The following ANKRD42 variants were observed in gnomAD, a reference collection of about 807,000 sequenced individuals.
The protein encoded by ANKRD42 is ankyrin repeat domain 42, also known as ankyrin repeat domain-containing protein 42.
Under a neutral mutation model 51.5 loss-of-function variants are expected in ANKRD42, and 43 were observed. The observed-to-expected ratio is 0.83, with a 90% confidence interval of 0.65 to 1.08. ANKRD42 has a LOEUF of 1.08. ANKRD42 is among the 50% of genes least tolerant of loss of function. The probability of loss-of-function intolerance (pLI) is 0.00; values close to 1 mark genes in which losing one functional copy is unlikely to be tolerated. For missense variants in ANKRD42, 608 were observed against 629.3 expected, an observed-to-expected ratio of 0.97 and a Z score of 0.36; for synonymous variants, 203 against 213.0, an observed-to-expected ratio of 0.95 and a Z score of 0.41.
At chr11:83,199,494 A>G (rs912206103) in intron 2 of ANKRD42, among the ~76,000 whole-genome samples, 5 of 152,190 alleles carry the variant, frequency 3.3e-5, no homozygotes, top group South Asian at 2.1e-4. Context: ...CGTTTATTCT[A>G]TTCTTAGACT....
chr11:83,201,756 A>G (rs1419004936), intron 2 of ANKRD42, among the ~76,000 whole-genome samples: 3 of 152,160 alleles, frequency 2.0e-5, no homozygotes, highest in African/African-American at 7.2e-5. Flanking sequence ...ATGACCAGTG[A>G]TGAGCTTTTT....
At chr11:83,256,729 T>A (rs1246888698), downstream of ANKRD42, among the ~76,000 whole-genome samples, 2 of 152,204 alleles carry the variant, frequency 1.3e-5, no homozygotes, top group Non-Finnish European at 1.5e-5. Flanking sequence ...ATATACTTCA[T>A]GTGGACGCTA....
chr11:83,248,767 T>C lies in ANKRD42; in HGVS notation c.*563T>C, dbSNP rs1437975454. 10 of 976,146 alleles carry C rather than the reference T, an allele frequency of 1.0e-5. No homozygotes were observed. Among genetic ancestry groups the C allele is most frequent in the Non-Finnish European group, 1.2e-5 (10 of 821,564 alleles). The allele number at this position is 976,146 out of a possible 1,614,324, so 60.5% of individuals were successfully genotyped here. On this transcript the variant is annotated 3_prime_UTR_variant, in exon 11 of 11. Coordinates refer to ENST00000533342, the MANE Select transcript of ANKRD42 (RefSeq NM_001300975.2). ...TATAGTGTTAAAAACAAGATAGATG[T>C]TCCTTCTGACACTAAGTTCCACTCT...
rs1166704287 is a variant in ANKRD42, at chr11:83,206,165, G to T, written c.330G>T (p.Gln110His). Residue 110 changes from glutamine to histidine, a missense_variant and splice_region_variant, in exon 3 of 11, where the codon CAG (glutamine) becomes CAT (histidine). Coordinates refer to ENST00000533342, the MANE Select transcript of ANKRD42 (RefSeq NM_001300975.2). ...AAIRGQDACV[Q>H]ALIMNGANLT... is the part of the protein sequence containing the mutation. ...TCAGGGGTCAGGATGCTTGTGTACA[G>T]GTAATAATATTACTTTTTTCAGTAA... is the stretch of plus-strand genomic sequence containing the variant. 1 of 1,605,504 alleles carries T rather than the reference G, an allele frequency of 6.2e-7. No homozygotes were observed. The highest frequency in any genetic ancestry group is 8.5e-7 in the Non-Finnish European group (1 of 1,173,584).
chr11:83,237,965 A>G (rs145738277), intron 8 of ANKRD42, among the ~76,000 whole-genome samples: 102 of 152,330 alleles, frequency 6.7e-4, no homozygotes, highest in African/African-American at 2.3e-3. Flanking sequence ...AGAGTTTTAT[A>G]TAAATGGAAT....
At chr11:83,256,080 T>C (rs1356261514) in exon 12 of ANKRD42, 1 of 561,412 alleles carries the variant, frequency 1.8e-6, no homozygotes, top group Admixed American at 3.7e-5. Flanking sequence ...ATTAAAGAGA[T>C]TTAGAGATTT....
At position 83,255,153 on chromosome 11, in the gene ANKRD42, G is replaced by A. The variant is rs140197672; in HGVS notation, c.1465-692G>A. On this transcript the variant is annotated intron_variant, in intron 11 of 11. Transcript: ENST00000260047. Reference sequence around the variant, plus strand: ...TGCTGTTCTTGGAGCCTCTGTGTTCGGAGCTGGCTTGCCTAACTAGATGCA... The same window carrying A: ...TGCTGTTCTTGGAGCCTCTGTGTTCAGAGCTGGCTTGCCTAACTAGATGCA... 9.1e-4 allele frequency among the ~76,000 whole-genome samples: 139 copies of A among 152,290 alleles called. 2 individuals are homozygous for A. Among genetic ancestry groups the A allele is most frequent in the Middle Eastern group, 3.4e-3 (1 of 294 alleles).
chr11:83,199,718 A>T (rs1306543667), intron 2 of ANKRD42, among the ~76,000 whole-genome samples: 1 of 152,140 alleles, frequency 6.6e-6, no homozygotes, highest in Admixed American at 6.5e-5. Flanking sequence ...AGGTCTGTTG[A>T]CAATGCATTG....
At chr11:83,224,046 T>C (rs1383313247) in intron 5 of ANKRD42, among the ~76,000 whole-genome samples, 1 of 152,020 alleles carries the variant, frequency 6.6e-6, no homozygotes, top group Non-Finnish European at 1.5e-5. Context: ...TGTCTGTTCA[T>C]GGCATTCTTG....
chr11:83,216,884 C>A (rs928328824), intron 5 of ANKRD42, among the ~76,000 whole-genome samples: 1 of 152,180 alleles, frequency 6.6e-6, no homozygotes, highest in Non-Finnish European at 1.5e-5. Context: ...ACAGGACACC[C>A]CAACTGCTGT....
At chr11:83,228,786 C>T (rs1049963136) in intron 7 of ANKRD42, among the ~76,000 whole-genome samples, 1 of 152,078 alleles carries the variant, frequency 6.6e-6, no homozygotes, top group African/African-American at 2.4e-5. Context: ...AGGATGTTTT[C>T]TCCTACACAG....
At position 83,210,391 on chromosome 11, in the gene ANKRD42, C is replaced by T; in HGVS notation, c.422C>T (p.Thr141Ile). The change falls in exon 4 of 11, where the codon ACT (threonine) becomes ATT (isoleucine). Residue 141 changes from threonine (T) to isoleucine (I), a missense_variant. By Grantham distance (89) the Thr-to-Ile change is moderately conservative (BLOSUM62 -1). Coordinates refer to ENST00000533342, the MANE Select transcript of ANKRD42 (RefSeq NM_001300975.2). ...HLAATHGHSF[T>I]LQIMLRSGVD... Reference sequence around the variant, plus strand: ...GCTGCAACTCATGGACATTCTTTCACTTTACAAATAATGCTCCGAAGTGGA... The same window carrying T: ...GCTGCAACTCATGGACATTCTTTCATTTTACAAATAATGCTCCGAAGTGGA... 6.2e-7 allele frequency: 1 copy of T among 1,613,988 alleles called. No individual in the cohort carries two copies. The highest frequency in any genetic ancestry group is 1.1e-5 in the South Asian group (1 of 91,084).
At position 83,206,040 on chromosome 11, in the gene ANKRD42, A is replaced by G; in HGVS notation, c.223-18A>G. ...AAAACATCCACTTTATCACTTGTTA[A>G]CATGGTTATTTTCTTAGTGTCTTCA... On this transcript the variant is annotated intron_variant, in intron 2 of 10. Coordinates refer to ENST00000533342, the MANE Select transcript of ANKRD42 (RefSeq NM_001300975.2). 6.3e-7 allele frequency: 1 copy of G among 1,596,166 alleles called. No homozygotes were observed. The highest frequency in any genetic ancestry group is 8.6e-7 in the Non-Finnish European group (1 of 1,165,706).
Position 83,224,955 on chromosome 11 carries a change from A to G in ANKRD42, c.687A>G (p.Gly229=). ...TQVLKAFNDN[G]ENVLDLAQRF... is the part of the protein sequence containing the mutation. ...TTTTAAAAGCTTTCAATGATAATGG[A>G]GAAAATGTACTGGATTTGGCCCAGA... The change falls in exon 6 of 11, where the codon GGA becomes GGG. Residue 229 remains glycine (G), a synonymous_variant. Transcript: ENST00000533342. 6.2e-7 allele frequency: 1 copy of G among 1,613,702 alleles called. No homozygotes were observed. Among genetic ancestry groups the G allele is most frequent in the Non-Finnish European group, 8.5e-7 (1 of 1,179,664 alleles).
chr11:83,253,045 T>C (rs1297586883), downstream of ANKRD42, among the ~76,000 whole-genome samples: 2 of 152,172 alleles, frequency 1.3e-5, no homozygotes, highest in African/African-American at 4.8e-5. Context: ...ACCGGTAATA[T>C]TCCATGGTTA....
chr11:83,224,847 T>C lies in ANKRD42; in HGVS notation c.587-8T>C. 1.3e-6 allele frequency: 2 copies of C among 1,550,710 alleles called. No individual in the cohort carries two copies. The highest frequency in any genetic ancestry group is 1.7e-6 in the Non-Finnish European group (2 of 1,153,276). On this transcript the variant is annotated splice_region_variant and splice_polypyrimidine_tract_variant and intron_variant, in intron 5 of 10. Transcript: ENST00000533342. ...AAAATTAAATTAATTTTTTTTCCTT[T>C]CCTCTAGTTCACTTAGCAGCCATGG...
At chr11:83,195,504 T>C (rs143461745) in intron 1 of ANKRD42, among the ~76,000 whole-genome samples, 24 of 152,304 alleles carry the variant, frequency 1.6e-4, no homozygotes, top group Middle Eastern at 6.8e-3. Flanking sequence ...TGCAAACATA[T>C]ATATAGATAT....
chr11:83,205,961 A>C, intron 2 of ANKRD42, 97 bp from the exon 3 acceptor site: 1 of 970,124 alleles, frequency 1.0e-6, no homozygotes, highest in Non-Finnish European at 1.6e-6. Flanking sequence ...TCTCTCATTC[A>C]CTACAGTCTG....
At chr11:83,262,188 T>C (rs904740090), downstream of ANKRD42, among the ~76,000 whole-genome samples, 2 of 152,162 alleles carry the variant, frequency 1.3e-5, no homozygotes, top group Admixed American at 1.3e-4. Flanking sequence ...AAAATGTAAA[T>C]TATGTCATTT....
Sources: allele counts gnomAD v4.1 joint callset (sites outside exome capture counted in the v4.1 genomes callset), GRCh38; gene constraint gnomAD v4.1.1; transcripts MANE v1.5; gene names NCBI Gene and HGNC (gene_info 2026-07-23, HGNC 2026-07-21).